The following ZEB2 variants were observed in gnomAD, a reference collection of about 807,000 sequenced individuals.
ZEB2 encodes the protein zinc finger E-box binding homeobox 2.
Under a neutral mutation model 99.9 loss-of-function variants are expected in ZEB2, and 6 were observed. That is an observed-to-expected ratio of 0.06 (90% CI 0.03 to 0.12). ZEB2 has a LOEUF of 0.12. Ranked by LOEUF, ZEB2 falls within the 10% of genes least tolerant of loss-of-function variation. ZEB2 has a pLI of 1.00. For missense variants in ZEB2, 969 were observed against 1,502.8 expected (o/e 0.64, Z 5.87); for synonymous variants, 517 against 542.5 (o/e 0.95, Z 0.65).
At chr2:144,491,275 AG>A (rs1490336279) in intron 2 of ZEB2, among the ~76,000 whole-genome samples, 1 of 148,510 alleles carries the variant, frequency 6.7e-6, no homozygotes, top group Non-Finnish European at 1.5e-5. Context: ...CAATTACTTC[AG>A]TGGTCCCAAT....
intron 2 of ZEB2, chr2:144,496,707 T>C (rs915276216): frequency 1.3e-4 from 20 of 152,172 alleles, no homozygotes; most frequent in African/African-American, 4.6e-4. Flanking sequence ...TCAGTAAAAA[T>C]AGTATGAAAA....
chr2:144,497,520 A>G (rs1441117834), intron 2 of ZEB2, among the ~76,000 whole-genome samples: 2 of 152,080 alleles, frequency 1.3e-5, no homozygotes, highest in Non-Finnish European at 2.9e-5. Context: ...TTCTTTTTTT[A>G]CAATTCAAAG....
intron 4 of ZEB2, among the ~76,000 whole-genome samples, chr2:144,423,419 A>G (rs1476654050): frequency 6.6e-6 from 1 of 152,190 alleles, no homozygotes; most frequent in Non-Finnish European, 1.5e-5. Flanking sequence ...AAGTTATTTT[A>G]TCTTGTTTCT....
chr2:144,513,836 A>G, intron 2 of ZEB2: 1 of 1,535,166 alleles, frequency 6.5e-7, no homozygotes, highest in Non-Finnish European at 8.7e-7. Flanking sequence ...GGGAAAGAAA[A>G]AGGGGGGCTG....
intron 2 of ZEB2, among the ~76,000 whole-genome samples, chr2:144,476,048 A>G (rs146641548): frequency 6.6e-6 from 1 of 152,290 alleles, no homozygotes; most frequent in East Asian, 1.9e-4. Context: ...GTTTCTTGAT[A>G]TCTACTTCTC....
intron 2 of ZEB2, among the ~76,000 whole-genome samples, chr2:144,498,187 T>C (rs1704815896): frequency 7.9e-6 from 1 of 126,472 alleles, no homozygotes; most frequent in Non-Finnish European, 1.6e-5. Flanking sequence ...CACAAGTAAC[T>C]CCACATTGCC....
At chr2:144,451,603 T>A (rs550895890) in intron 2 of ZEB2, among the ~76,000 whole-genome samples, 29 of 152,342 alleles carry the variant, frequency 1.9e-4, no homozygotes, top group South Asian at 1.0e-3. Context: ...AGGATAAGCA[T>A]CTTGAATGAT....
rs778038505 is a variant in ZEB2 at position 144,464,565 on chromosome 2, G to GT, written c.74-34540dup. 1.0e-3 allele frequency among the ~76,000 whole-genome samples: 159 copies of GT among 151,866 alleles called. 1 individual carries two copies. Among genetic ancestry groups the GT allele is most frequent in the Middle Eastern group, 6.8e-3 (2 of 294 alleles). ...CTATAAAAGGGTTTAAATACTAATG[G>GT]TTTTTTTTAATTTGTTTTATAACCT... On this transcript the variant is annotated intron_variant, in intron 2 of 9. Coordinates refer to ENST00000627532, the MANE Select transcript of ZEB2 (RefSeq NM_014795.4).
intron 2 of ZEB2, chr2:144,482,428 C>T (rs1704525960): frequency 6.6e-6 from 1 of 152,154 alleles, no homozygotes; most frequent in Non-Finnish European, 1.5e-5. Flanking sequence ...AATTTTTATT[C>T]TTTCGTTCTA....
intron 2 of ZEB2, among the ~76,000 whole-genome samples, chr2:144,504,928 C>T (rs1228902371): frequency 1.3e-5 from 2 of 152,120 alleles, no homozygotes; most frequent in Non-Finnish European, 2.9e-5. Context: ...CTGTAACTAG[C>T]AACAGCAAAC....
chr2:144,429,675 A>G, intron 3 of ZEB2, 94 bp downstream of exon 3: 1 of 1,590,158 alleles, frequency 6.3e-7, no homozygotes, highest in Non-Finnish European at 8.6e-7. Context: ...GAAATATTTT[A>G]ATTATTTGGT....
At position 144,396,597 on chromosome 2, in the gene ZEB2, G is replaced by A. The variant is rs755913393; in HGVS notation, c.2887-5C>T. The A allele has an allele frequency of 6.8e-6, 11 of 1,612,720 alleles. No individual in the cohort carries two copies. Among genetic ancestry groups the A allele is most frequent in the Middle Eastern group, 1.7e-4 (1 of 6,056 alleles). ...TGCTCCATCAAGCAATTCTCCCTGC[G>A]ATAGAATCACACAGTTCAATACAGT... On this transcript the variant is annotated splice_polypyrimidine_tract_variant and splice_region_variant and intron_variant, in intron 8 of 9. Transcript: ENST00000627532.
rs986633574 is a variant in ZEB2, at chr2:144,511,815, A to G, written c.73+5463T>C. 42 of 1,287,080 alleles carry G rather than the reference A, an allele frequency of 3.3e-5. No homozygotes were observed. The Admixed American group carries it at 9.6e-4, about 30-fold the overall frequency. 79.7% of individuals were successfully genotyped at this position (1,287,080 alleles called of 1,614,324 possible). ...GACAGAAAAGAAGTAAAGAGGGGGA[A>G]TAGGGCTATATTTATTGGTTTAAAT... On this transcript the variant is annotated intron_variant, in intron 2 of 9. Transcript: ENST00000627532.
chr2:144,424,828 G>A lies in ZEB2; in HGVS notation c.371C>T (p.Ala124Val), dbSNP rs1462605720. The stretch of plus-strand genomic sequence containing the variant: ...ATTGTTAATTGCGGTCTGGATCGTG[G>A]CTTCTGGCCCCATAGTGTCATAGTC... ...KEDYDTMGPEATIQTAINNGT... is the reference protein window; with the variant it reads ...KEDYDTMGPEVTIQTAINNGT... Residue 124 changes from alanine (A) to valine (V), a missense_variant, in exon 4 of 10, where the codon GCC becomes GTC. Coordinates refer to ENST00000627532, the MANE Select transcript of ZEB2 (RefSeq NM_014795.4). 6.2e-7 allele frequency: 1 copy of A among 1,613,946 alleles called. No individual in the cohort carries two copies. Among genetic ancestry groups the A allele is most frequent in the Non-Finnish European group, 8.5e-7 (1 of 1,179,948 alleles).
chr2:144,415,235 C>T (rs184526085), intron 4 of ZEB2, among the ~76,000 whole-genome samples: 6 of 151,968 alleles, frequency 3.9e-5, no homozygotes, highest in African/African-American at 1.4e-4. Flanking sequence ...TCTAAAGGCG[C>T]TCAATAAAGA....
intron 2 of ZEB2, chr2:144,462,858 A>T (rs1704213988): frequency 6.6e-6 from 1 of 152,192 alleles, no homozygotes; most frequent in Non-Finnish European, 1.5e-5. Context: ...TTTTAACTGA[A>T]GAACTGTCAG....
intron 2 of ZEB2, among the ~76,000 whole-genome samples, chr2:144,469,425 C>T (rs114263733): frequency 6.6e-6 from 1 of 152,246 alleles, no homozygotes; most frequent in African/African-American, 2.4e-5. Context: ...TCAGCCAGTA[C>T]TGAGCATTGC....
At chr2:144,403,428 A>T (rs2149878914) in intron 6 of ZEB2, among the ~76,000 whole-genome samples, 1 of 152,224 alleles carries the variant, frequency 6.6e-6, no homozygotes, top group East Asian at 1.9e-4. Flanking sequence ...TAAAACACTT[A>T]ATCAGATTTC....
At chr2:144,476,536 G>A (rs1266508053) in intron 2 of ZEB2, among the ~76,000 whole-genome samples, 14 of 152,138 alleles carry the variant, frequency 9.2e-5, no homozygotes, top group Non-Finnish European at 1.8e-4. Context: ...GGAACACTGG[G>A]CACCTTGCAC....
Sources: gnomAD v4.1 joint callset for allele counts (sites outside exome capture counted in the v4.1 genomes callset) on GRCh38, gnomAD v4.1.1 for gene constraint, MANE v1.5 for transcripts, NCBI Gene and HGNC (gene_info 2026-07-23, HGNC 2026-07-21) for gene names.